BNC2: variants seen among roughly 807,000 people sequenced by gnomAD.
BNC2 encodes basonuclin zinc finger protein 2, also known as zinc finger protein basonuclin-2.
BNC2 carries 20 observed loss-of-function variants against 76.3 expected under a neutral mutation model. The ratio of observed to expected loss-of-function variants is 0.26; its 90% CI spans 0.18 to 0.38. BNC2 has a LOEUF of 0.38. Among genes scored for constraint, BNC2 ranks in the 10% least tolerant of loss-of-function variants. The pLI is 1.00. For synonymous variants in BNC2, 582 were observed against 514.8 expected, an observed-to-expected ratio of 1.13 and a Z score of -1.77; for missense variants, 1,382 against 1,399.8, an observed-to-expected ratio of 0.99 and a Z score of 0.20.
rs553889961 is a variant in BNC2, at chr9:16,715,139, G to A, written c.330+12658C>T. On this transcript the variant is annotated intron_variant, in intron 3 of 6. Transcript: ENST00000380672. The stretch of plus-strand genomic sequence containing the variant: ...CGAAAAGCTTTTTATAGTTGAATTC[G>A]GCTTTTCATCTACATCAATTACTTA... Among the ~76,000 whole-genome samples the A allele has an allele frequency of 2.0e-3, 300 of 152,140 alleles. 4 individuals carry two copies. The highest frequency in any genetic ancestry group is 7.1e-4 in the Non-Finnish European group (48 of 68,006).
At chr9:16,853,438 A>C (rs938823808) in intron 1 of BNC2, among the ~76,000 whole-genome samples, 3 of 151,264 alleles carry the variant, frequency 2.0e-5, no homozygotes, top group South Asian at 2.1e-4. Context: ...AATGACACTC[A>C]TTTTAACTAG....
chr9:16,644,920 T>G (rs1300199527), intron 3 of BNC2, among the ~76,000 whole-genome samples: 2 of 152,220 alleles, frequency 1.3e-5, no homozygotes, highest in Non-Finnish European at 2.9e-5. Context: ...AACTAGAAAC[T>G]GTTCCAAAGT....
intron 1 of BNC2, among the ~76,000 whole-genome samples, chr9:16,750,203 T>C (rs1825147764): frequency 6.6e-6 from 1 of 152,216 alleles, no homozygotes; most frequent in African/African-American, 2.4e-5. Context: ...AAGATAATTA[T>C]AGGATTTCTA....
chr9:16,464,262 C>A lies in BNC2; in HGVS notation c.670-26738G>T, dbSNP rs954976251. On this transcript the variant is annotated intron_variant, in intron 5 of 6. Transcript: ENST00000380672. ...CTCTCCAGGCTGATGTTCAGACAAT[C>A]TGCACAGGACTGGCATGGCACACAG... Among the ~76,000 whole-genome samples, 3 of 152,220 alleles carry A rather than the reference C, an allele frequency of 2.0e-5. No individual in the cohort carries two copies. The East Asian group carries it at 5.8e-4, about 29-fold the overall frequency.
chr9:16,564,091 A>G (rs1461845875), intron 4 of BNC2, among the ~76,000 whole-genome samples: 4 of 152,190 alleles, frequency 2.6e-5, no homozygotes, highest in Admixed American at 2.6e-4. Context: ...AGTTAAGGTT[A>G]AAAAATAATG....
Position 16,738,368 on chromosome 9 carries a change from G to C in BNC2, c.121C>G (p.Gln41Glu). 1.2e-6 allele frequency: 2 copies of C among 1,613,838 alleles called. No individual in the cohort carries two copies. The highest frequency in any genetic ancestry group is 1.7e-6 in the Non-Finnish European group (2 of 1,179,890). ...AAAAAAAACCAACATACCTCAATTTGAGATGTATCAACCCCACAACATGGG... is the reference window on the plus strand; with the variant it reads ...AAAAAAAACCAACATACCTCAATTTCAGATGTATCAACCCCACAACATGGG... Reference protein sequence around the residue: ...KVPCCGVDTSQIESEEAEVDV... With the variant: ...KVPCCGVDTSEIESEEAEVDV... Residue 41 changes from glutamine (Q) to glutamate (E), a missense_variant, in exon 2 of 7, where the codon CAA becomes GAA. By Grantham distance (29) the Gln-to-Glu change is conservative (BLOSUM62 2). Transcript: ENST00000380672.
chr9:16,788,544 C>T (rs376581227), intron 1 of BNC2, among the ~76,000 whole-genome samples: 477 of 143,154 alleles, frequency 3.3e-3, no homozygotes, highest in African/African-American at 0.012. Context: ...CAGAGCAACA[C>T]TCCTTCTCAA....
intron 3 of BNC2, among the ~76,000 whole-genome samples, chr9:16,724,622 C>T (rs1824258833): frequency 6.6e-6 from 1 of 151,972 alleles, no homozygotes; most frequent in Non-Finnish European, 1.5e-5. Context: ...ATACTTCATC[C>T]CACTAAATCT....
At chr9:16,779,050 T>A in intron 1 of BNC2, among the ~76,000 whole-genome samples, 1 of 147,896 alleles carries the variant, frequency 6.8e-6, no homozygotes, top group Admixed American at 6.9e-5. Context: ...AGGCCAAGGA[T>A]GGTTGATTGC....
chr9:16,800,640 T>C (rs545722362), intron 1 of BNC2, among the ~76,000 whole-genome samples: 1 of 152,286 alleles, frequency 6.6e-6, no homozygotes, highest in East Asian at 1.9e-4. Flanking sequence ...AGTACTCTTG[T>C]ACTACTTATC....
intron 5 of BNC2, among the ~76,000 whole-genome samples, chr9:16,528,494 G>A (rs551113101): frequency 6.6e-6 from 1 of 152,082 alleles, no homozygotes; most frequent in South Asian, 2.1e-4. Context: ...ATATGAGATG[G>A]TTTCTATAGT....
chr9:16,833,182 C>T (rs910867405), intron 1 of BNC2, among the ~76,000 whole-genome samples: 2 of 152,104 alleles, frequency 1.3e-5, no homozygotes, highest in Non-Finnish European at 2.9e-5. Context: ...CCACCAATTT[C>T]GCTCCCTCCT....
intron 3 of BNC2, among the ~76,000 whole-genome samples, chr9:16,674,737 T>C (rs1822585690): frequency 6.6e-6 from 1 of 152,298 alleles, no homozygotes; most frequent in African/African-American, 2.4e-5. Context: ...CATAGTACCA[T>C]ACCCAAGAAG....
chr9:16,697,747 T>A (rs910789964), intron 3 of BNC2, among the ~76,000 whole-genome samples: 5 of 151,314 alleles, frequency 3.3e-5, no homozygotes, highest in African/African-American at 1.2e-4. Flanking sequence ...TATAGAATGA[T>A]AAAAATATAT....
chr9:16,694,054 G>A (rs1250922670), intron 3 of BNC2, among the ~76,000 whole-genome samples: 1 of 152,122 alleles, frequency 6.6e-6, no homozygotes, highest in East Asian at 1.9e-4. Context: ...TTATTTTGGG[G>A]GGAGGGTGTG....
intron 5 of BNC2, among the ~76,000 whole-genome samples, chr9:16,520,642 C>A (rs1488551056): frequency 6.6e-6 from 1 of 151,982 alleles, no homozygotes; most frequent in Non-Finnish European, 1.5e-5. Context: ...CTCCTTTCAT[C>A]CCAGCAGCCC....
chr9:16,671,159 T>C (rs1298081357), intron 3 of BNC2, among the ~76,000 whole-genome samples: 2 of 152,190 alleles, frequency 1.3e-5, no homozygotes, highest in Non-Finnish European at 1.5e-5. Flanking sequence ...TGGTTTTCCC[T>C]GGTCCTTCAT....
intron 3 of BNC2, among the ~76,000 whole-genome samples, chr9:16,662,120 C>A (rs1822127378): frequency 6.6e-6 from 1 of 152,162 alleles, no homozygotes; most frequent in Non-Finnish European, 1.5e-5. Flanking sequence ...TGTTAAACTC[C>A]CAATATTTCT....
intron 5 of BNC2, among the ~76,000 whole-genome samples, chr9:16,505,972 A>G (rs1822614038): frequency 6.6e-6 from 1 of 152,200 alleles, no homozygotes. Context: ...TTCCTCAAAT[A>G]AAAAGCATAA....
Sources: allele counts gnomAD v4.1 joint callset (sites outside exome capture counted in the v4.1 genomes callset), GRCh38; gene constraint gnomAD v4.1.1; transcripts MANE v1.5; gene names NCBI Gene and HGNC (gene_info 2026-07-23, HGNC 2026-07-21).